NPRL3: variants seen among roughly 807,000 people sequenced by gnomAD.
NPRL3 encodes the protein GATOR1 complex protein NPRL3.
A neutral mutation model predicts 57.2 loss-of-function variants in NPRL3; 23 were observed. That is an observed-to-expected ratio of 0.40 (90% CI 0.29 to 0.57). The LOEUF is 0.57. NPRL3 is among the 20% of genes least tolerant of loss of function. The pLI is 0.42. For missense variants in NPRL3, 691 were observed against 767.1 expected, an observed-to-expected ratio of 0.90 and a Z score of 1.17; for synonymous variants, 333 against 321.1, an observed-to-expected ratio of 1.04 and a Z score of -0.39.
chr16:130,967 C>A (rs561604667), intron 2 of NPRL3, among the ~76,000 whole-genome samples: 130 of 152,338 alleles, frequency 8.5e-4, no homozygotes, highest in African/African-American at 3.0e-3. Flanking sequence ...AATGGCTGCA[C>A]ACTATAATGA....
intron 13 of NPRL3, 149 bp from the exon 14 acceptor site, chr16:87,019 C>T: frequency 1.2e-6 from 1 of 800,046 alleles, no homozygotes; most frequent in Non-Finnish European, 1.9e-6. Flanking sequence ...CCACAGCCCC[C>T]CAACAAGGGT....
intron 3 of NPRL3, among the ~76,000 whole-genome samples, chr16:119,575 G>T (rs950772604): frequency 1.3e-5 from 2 of 152,246 alleles, no homozygotes; most frequent in Non-Finnish European, 2.9e-5. Context: ...GCTGGAGCCG[G>T]CACTGCCCTG....
chr16:128,828 A>C (rs998473395), intron 3 of NPRL3, among the ~76,000 whole-genome samples: 8 of 152,032 alleles, frequency 5.3e-5, no homozygotes, highest in Non-Finnish European at 7.4e-5. Flanking sequence ...GCCTTGCTCC[A>C]GGAACATGCT....
At chr16:89,429 T>C (rs1898659505) in intron 12 of NPRL3, 2 of 418,592 alleles carry the variant, frequency 4.8e-6, no homozygotes, top group Non-Finnish European at 8.5e-6. Flanking sequence ...CCTGCTCTGC[T>C]CCCAGGCTGG....
chr16:133,420 T>C (rs1596542640), intron 2 of NPRL3, among the ~76,000 whole-genome samples: 1 of 151,930 alleles, frequency 6.6e-6, no homozygotes, highest in African/African-American at 2.4e-5. Flanking sequence ...TTAGCAGAGA[T>C]GGGGTTTCAC....
chr16:134,891 C>G (rs1205751765), intron 2 of NPRL3, among the ~76,000 whole-genome samples: 1 of 150,872 alleles, frequency 6.6e-6, no homozygotes, highest in Non-Finnish European at 1.5e-5. Context: ...TTAGTAGAGA[C>G]GGGGTTTCAC....
chr16:118,982 C>CCACCTGCCCAAGGAGAGCCA, intron 4 of NPRL3, 144 bp downstream of exon 4: 1 of 1,217,064 alleles, frequency 8.2e-7, no homozygotes, highest in Non-Finnish European at 1.1e-6. Context: ...AGGGGGAGCC[C>CCACCTGCCCAAGGAGAGCCA]CACCTGCCCA....
rs1596531968 is a variant in NPRL3, at chr16:122,928, C to G, written c.189-3673G>C. ...GTACCTCCAAGGCCCAGAGGAGATG[C>G]ACTGTCAAGGGGAATGGAAGAGTCG... On this transcript the variant is annotated intron_variant, in intron 3 of 13. Transcript: ENST00000611875. Among the ~76,000 whole-genome samples, 3 of 152,314 alleles carry G rather than the reference C, an allele frequency of 2.0e-5. No individual in the cohort carries two copies. In the East Asian group the frequency reaches 5.8e-4, roughly 29 times the overall value.
intron 13 of NPRL3, 145 bp from the exon 14 acceptor site, chr16:87,015 C>T (rs1898505408): frequency 9.8e-6 from 8 of 820,002 alleles, no homozygotes; most frequent in Non-Finnish European, 1.3e-5. Context: ...GCCACCACAG[C>T]CCCCCAACAA....
intron 3 of NPRL3, among the ~76,000 whole-genome samples, chr16:123,062 C>T (rs575580342): frequency 1.1e-3 from 163 of 152,272 alleles, no homozygotes; most frequent in African/African-American, 3.6e-3. Flanking sequence ...ACACTTAATG[C>T]CCAACCCTTG....
At chr16:129,287 C>A (rs544939292) in intron 3 of NPRL3, among the ~76,000 whole-genome samples, 32 of 152,290 alleles carry the variant, frequency 2.1e-4, no homozygotes, top group African/African-American at 7.5e-4. Flanking sequence ...ACAGGAAATA[C>A]CTACCCACTG....
intron 9 of NPRL3, among the ~76,000 whole-genome samples, chr16:96,988 A>T (rs1440843567): frequency 6.6e-6 from 1 of 152,212 alleles, no homozygotes; most frequent in African/African-American, 2.4e-5. Context: ...TTCACAGGCC[A>T]AAAGAGCATG....
chr16:124,385 G>A (rs1900423573), intron 3 of NPRL3, among the ~76,000 whole-genome samples: 1 of 149,576 alleles, frequency 6.7e-6, no homozygotes. Context: ...TTCTTCAAAA[G>A]AGACAGGGTC....
chr16:112,761 C>A lies in NPRL3; in HGVS notation c.408G>T (p.Pro136=), dbSNP rs757635247. 2.5e-6 allele frequency: 4 copies of A among 1,604,074 alleles called. No individual in the cohort carries two copies. The highest frequency in any genetic ancestry group is 1.1e-5 in the South Asian group (1 of 90,200). Residue 136 remains proline, a synonymous_variant, in exon 6 of 14, where the codon CCG becomes CCT. Coordinates refer to ENST00000611875, the MANE Select transcript of NPRL3 (RefSeq NM_001077350.3). ...VVFALRANAD[P]SVINCLHNLS... The stretch of plus-strand genomic sequence containing the variant: ...GGTTATGCAGACAGTTTATCACTGA[C>A]GGGTCTGCGTTGGCCTGCAGGAGAG...
chr16:99,745 C>T (rs1364169305), intron 8 of NPRL3, among the ~76,000 whole-genome samples: 2 of 151,178 alleles, frequency 1.3e-5, no homozygotes, highest in Non-Finnish European at 2.9e-5. Context: ...GTCTGGCCAA[C>T]ATGGTGAAAC....
At position 86,771 on chromosome 16, in the gene NPRL3, G is replaced by T; in HGVS notation, c.1644C>A (p.Arg548=). Residue 548 remains arginine, a synonymous_variant, in exon 14 of 14, where the codon CGC becomes CGA. Coordinates refer to ENST00000611875, the MANE Select transcript of NPRL3 (RefSeq NM_001077350.3). ...CGTGGGTGGTCACCACCAGCACGCT[G>T]CGGAACTTGTCAAACAGCATGAGCA... ...SQLLMLFDKF[R]SVLVVTTHED... is the part of the protein sequence containing the mutation. The T allele has an allele frequency of 1.9e-6, 3 of 1,600,988 alleles. No homozygotes were observed. Among genetic ancestry groups the T allele is most frequent in the Non-Finnish European group, 2.6e-6 (3 of 1,174,372 alleles).
rs1307436153 is a variant in NPRL3 at position 138,330 on chromosome 16, G to A, written c.-63C>T. 11 of 818,770 alleles carry A rather than the reference G, an allele frequency of 1.3e-5. No homozygotes were observed. Among genetic ancestry groups the A allele is most frequent in the East Asian group, 1.4e-4 (2 of 14,678 alleles). 50.7% of individuals were successfully genotyped at this position (818,770 alleles called of 1,614,324 possible). On this transcript the variant is annotated 5_prime_UTR_variant, in exon 2 of 14. Transcript: ENST00000611875. ...GAGGAGGACGGAGCCGGAGGCGGAG[G>A]GGGCCTGAGGAGGACGGAGCCGGAG...
chr16:95,181 C>T (rs1453166916), intron 9 of NPRL3, among the ~76,000 whole-genome samples: 1 of 152,058 alleles, frequency 6.6e-6, no homozygotes, highest in African/African-American at 2.4e-5. Flanking sequence ...TACTTAGTAA[C>T]ATCTCCAAAG....
intron 13 of NPRL3, among the ~76,000 whole-genome samples, chr16:87,277 G>A (rs950080613): frequency 6.6e-6 from 1 of 151,988 alleles, no homozygotes; most frequent in African/African-American, 2.4e-5. Context: ...AGTCACCCAG[G>A]CTAGATTGCA....
Sources: allele counts gnomAD v4.1 joint callset (sites outside exome capture counted in the v4.1 genomes callset), GRCh38; gene constraint gnomAD v4.1.1; transcripts MANE v1.5; gene names NCBI Gene and HGNC (gene_info 2026-07-23, HGNC 2026-07-21).